ACAD11: variants seen among roughly 807,000 people sequenced by gnomAD.
The protein encoded by ACAD11 is acyl-Coenzyme A dehydrogenase family, member 11.
ACAD11 carries 83 observed loss-of-function variants against 102.2 expected under a neutral mutation model. That is an observed-to-expected ratio of 0.81 (90% CI 0.68 to 0.97). ACAD11 has a LOEUF of 0.97. ACAD11 is among the 50% of genes least tolerant of loss of function. The pLI is 0.00. For missense variants in ACAD11, 901 were observed against 951.7 expected, an observed-to-expected ratio of 0.95 and a Z score of 0.70; for synonymous variants, 324 against 319.8, an observed-to-expected ratio of 1.01 and a Z score of -0.14.
intron 11 of ACAD11, among the ~76,000 whole-genome samples, chr3:132,610,246 T>C (rs991378355): frequency 6.6e-6 from 1 of 151,960 alleles, no homozygotes. Context: ...GGGAAATTTA[T>C]AGCACTAAAT....
chr3:132,565,593 T>C (rs2107780995), intron 17 of ACAD11, among the ~76,000 whole-genome samples: 1 of 152,320 alleles, frequency 6.6e-6, no homozygotes, highest in Admixed American at 6.5e-5. Context: ...AAAATTAATT[T>C]TTAAAAAATA....
intron 1 of ACAD11, among the ~76,000 whole-genome samples, chr3:132,657,866 CTTTTTT>C (rs56190801): frequency 8.4e-6 from 1 of 119,166 alleles, no homozygotes; most frequent in South Asian, 2.9e-4. Flanking sequence ...ACACATATTC[CTTTTTT>C]TTTTTTTTTT....
Position 132,644,829 on chromosome 3 carries a change from G to GT in ACAD11, c.216dup (p.Pro73ThrfsTer8), listed in dbSNP as rs1338918712. 6 of 1,612,244 alleles carry GT rather than the reference G, an allele frequency of 3.7e-6. No individual in the cohort carries two copies. The highest frequency in any genetic ancestry group is 1.3e-5 in the African/African-American group (1 of 74,824). On this transcript the variant is annotated frameshift_variant, in exon 2 of 20. Transcript: ENST00000264990. LOFTEE classifies it high-confidence loss of function. Reference sequence around the variant, plus strand: ...GCTTTAGGAAGAAGTGAACCTGGTGGTTTTTTCCTGAGCACATATGTTTGA... The same window carrying GT: ...GCTTTAGGAAGAAGTGAACCTGGTGGTTTTTTTCCTGAGCACATATGTTTGA...
chr3:132,566,355 T>C (rs1050729439), intron 17 of ACAD11, among the ~76,000 whole-genome samples: 1 of 145,224 alleles, frequency 6.9e-6, no homozygotes, highest in Admixed American at 6.8e-5. Flanking sequence ...TAACAAAAGA[T>C]TTACCATTCA....
chr3:132,595,522 C>A (rs1938262981), intron 13 of ACAD11, among the ~76,000 whole-genome samples: 1 of 152,154 alleles, frequency 6.6e-6, no homozygotes, highest in Non-Finnish European at 1.5e-5. Context: ...AGACAACTTA[C>A]AGAATGGGAG....
chr3:132,656,386 A>G (rs975506750), intron 1 of ACAD11, among the ~76,000 whole-genome samples: 1 of 152,014 alleles, frequency 6.6e-6, no homozygotes, highest in Admixed American at 6.5e-5. Flanking sequence ...TATCTTCCCA[A>G]CTTCATTTTT....
At chr3:132,632,080 A>G (rs1940065106) in intron 5 of ACAD11, among the ~76,000 whole-genome samples, 2 of 144,354 alleles carry the variant, frequency 1.4e-5, no homozygotes, top group Non-Finnish European at 3.0e-5. Context: ...GAATATATAT[A>G]TATGTATTTT....
rs371477145 is a variant in ACAD11, at chr3:132,566,296, C to CAAAAA, written c.2002-5084_2002-5080dup. 1.4e-3 allele frequency among the ~76,000 whole-genome samples: 88 copies of CAAAAA among 61,736 alleles called. 2 individuals carry two copies. The highest frequency in any genetic ancestry group is 1.8e-3 in the Non-Finnish European group (45 of 24,670). 40.5% of individuals were successfully genotyped at this position (61,736 alleles called of 152,430 possible). On this transcript the variant is annotated intron_variant, in intron 17 of 19. Transcript: ENST00000264990. ...CTAAACCAAAGAGAGAAAACAAACT[C>CAAAAA]AAAAAAACAAAAAAAAAAAGAACAG...
At chr3:132,602,895 C>G (rs6779298) in intron 13 of ACAD11, among the ~76,000 whole-genome samples, 1 of 151,936 alleles carries the variant, frequency 6.6e-6, no homozygotes. Flanking sequence ...TTCCGCCACC[C>G]GGGGTCAAGC....
chr3:132,596,482 G>A (rs933006752), intron 13 of ACAD11, among the ~76,000 whole-genome samples: 3 of 152,032 alleles, frequency 2.0e-5, no homozygotes, highest in African/African-American at 7.2e-5. Flanking sequence ...AATAATTTCT[G>A]CAGGTGGAGA....
Position 132,559,064 on chromosome 3 carries a change from C to T in ACAD11, c.2250G>A (p.Leu750=). The T allele has an allele frequency of 6.2e-7, 1 of 1,613,460 alleles. No homozygotes were observed. The highest frequency in any genetic ancestry group is 1.1e-5 in the South Asian group (1 of 91,014). The part of the protein sequence containing the change: ...LANMYAITRV[L]RLADGPDEVH... ...CTTCGTCAGGTCCATCTGCTAAACG[C>T]AAAACTCGGGTTATAGCATACCTGA... The change falls in exon 20 of 20, where the codon TTG becomes TTA. Residue 750 remains leucine (L), a synonymous_variant. Transcript: ENST00000264990.
chr3:132,579,713 C>T (rs1385315577), intron 13 of ACAD11, among the ~76,000 whole-genome samples, 155 bp from the exon 14 acceptor site: 1 of 152,104 alleles, frequency 6.6e-6, no homozygotes, highest in African/African-American at 2.4e-5. Flanking sequence ...TTGTAACACT[C>T]TATATCATCC....
rs758343782 is a variant in ACAD11 at position 132,631,530 on chromosome 3, A to G, written c.703-51T>C. On this transcript the variant is annotated intron_variant, in intron 5 of 19. Coordinates refer to ENST00000264990, the MANE Select transcript of ACAD11 (RefSeq NM_032169.5). ...TAACACATTAAAACTTAAAACAAGT[A>G]TAATAAAGAAATAAATAACATTGAA... 8 of 1,286,024 alleles carry G rather than the reference A, an allele frequency of 6.2e-6. No individual in the cohort carries two copies. In the African/African-American group the frequency reaches 1.2e-4, roughly 20 times the overall value. The allele number at this position is 1,286,024 out of a possible 1,614,324, so 79.7% of individuals were successfully genotyped here.
intron 17 of ACAD11, 78 bp from the exon 18 acceptor site, chr3:132,561,295 G>T: frequency 9.2e-7 from 1 of 1,089,260 alleles, no homozygotes; most frequent in Non-Finnish European, 1.4e-6. Flanking sequence ...CAGTCTTATA[G>T]TTTGGTGAAA....
chr3:132,590,141 A>C (rs1938015749), intron 13 of ACAD11, among the ~76,000 whole-genome samples: 1 of 152,206 alleles, frequency 6.6e-6, no homozygotes, highest in South Asian at 2.1e-4. Context: ...CATTGTGAGT[A>C]GTGCTGCAAT....
At chr3:132,610,404 A>G (rs971875607) in intron 11 of ACAD11, among the ~76,000 whole-genome samples, 3 of 152,206 alleles carry the variant, frequency 2.0e-5, no homozygotes, top group African/African-American at 7.2e-5. Context: ...CAGACACAAA[A>G]AACCCTTCAA....
At chr3:132,645,149 C>T (rs1940671092) in intron 1 of ACAD11, among the ~76,000 whole-genome samples, 1 of 152,176 alleles carries the variant, frequency 6.6e-6, no homozygotes, top group African/African-American at 2.4e-5. Flanking sequence ...ACTGCAAATC[C>T]TAAGTTTTAT....
chr3:132,589,821 A>C (rs1938000124), intron 13 of ACAD11, among the ~76,000 whole-genome samples: 1 of 152,170 alleles, frequency 6.6e-6, no homozygotes, highest in African/African-American at 2.4e-5. Context: ...CCAGGTATTA[A>C]GCCCAGTACC....
chr3:132,626,669 A>T (rs760580130), intron 9 of ACAD11, 22 bp downstream of exon 9: 1 of 1,611,238 alleles, frequency 6.2e-7, no homozygotes, highest in Non-Finnish European at 8.5e-7. Context: ...GCAGAAATAC[A>T]TTCTGCTTAT....
Sources: allele counts gnomAD v4.1 joint callset (sites outside exome capture counted in the v4.1 genomes callset), GRCh38; gene constraint gnomAD v4.1.1; transcripts MANE v1.5; gene names NCBI Gene and HGNC (gene_info 2026-07-23, HGNC 2026-07-21).